The following MTAP variants were observed in gnomAD, a reference collection of about 807,000 sequenced individuals.
The protein encoded by MTAP is methylthioadenosine phosphorylase.
In MTAP, 33 loss-of-function variants were observed where a neutral mutation model predicts 33.6. The observed-to-expected ratio is 0.98, with a 90% CI of 0.74 to 1.31. The LOEUF (loss-of-function observed/expected upper bound fraction) is 1.31. Ranked by LOEUF, MTAP falls within the 40% of genes most tolerant of loss-of-function variation. The pLI, the probability that MTAP is intolerant of heterozygous loss-of-function variation, is 0.00. For synonymous variants in MTAP, 148 were observed against 125.7 expected (o/e 1.18, Z -1.19); for missense variants, 367 against 360.0 (o/e 1.02, Z -0.16).
At chr9:21,854,233 C>T (rs988462820) in intron 5 of MTAP, among the ~76,000 whole-genome samples, 4 of 152,154 alleles carry the variant, frequency 2.6e-5, no homozygotes, top group Admixed American at 1.3e-4. Context: ...AGAAGATAAG[C>T]GACGAGAGGC....
chr9:21,874,079 C>T lies in MTAP; in HGVS notation c.147+19209C>T, dbSNP rs75238885. 6.6e-4 allele frequency among the ~76,000 whole-genome samples: 100 copies of T among 152,226 alleles called. No individual in the cohort carries two copies. In the East Asian group the frequency reaches 0.011, roughly 16 times the overall value. On this transcript the variant is annotated intron_variant, in intron 1 of 1. Coordinates refer to the MTAP transcript ENST00000577563. Reference sequence around the variant, plus strand: ...CTCTGTTTGACCTCACTTTAGTTTACGAATTCCCACCCTTTAGGAATCAAG... The same window carrying T: ...CTCTGTTTGACCTCACTTTAGTTTATGAATTCCCACCCTTTAGGAATCAAG...
At chr9:21,938,058 A>C (rs1384489820), downstream of MTAP, among the ~76,000 whole-genome samples, 1 of 152,158 alleles carries the variant, frequency 6.6e-6, no homozygotes, top group East Asian at 1.9e-4. Context: ...TGATTGCCTG[A>C]GCTCAGGAGT....
At chr9:21,882,807 A>G (rs1347937466) in intron 1 of MTAP, among the ~76,000 whole-genome samples, 1 of 152,046 alleles carries the variant, frequency 6.6e-6, no homozygotes, top group Non-Finnish European at 1.5e-5. Flanking sequence ...GTTTAATAGT[A>G]AAAAATAATT....
chr9:21,897,038 A>G (rs920577265), intron 1 of MTAP, among the ~76,000 whole-genome samples: 3 of 152,226 alleles, frequency 2.0e-5, no homozygotes, highest in African/African-American at 7.2e-5. Flanking sequence ...CACCATGATC[A>G]AGTGGGCTTC....
chr9:21,850,880 T>C (rs1349413888), intron 5 of MTAP, among the ~76,000 whole-genome samples: 1 of 152,222 alleles, frequency 6.6e-6, no homozygotes, highest in Non-Finnish European at 1.5e-5. Context: ...GGCACTTTGC[T>C]GTGCCCGTGC....
intron 1 of MTAP, 64 bp downstream of exon 1, chr9:21,802,845 G>T (rs1040126776): frequency 1.9e-6 from 3 of 1,598,644 alleles, no homozygotes; most frequent in Non-Finnish European, 2.6e-6. Context: ...CCCCGCGCCG[G>T]GGGACCGCGC....
intron 4 of MTAP, among the ~76,000 whole-genome samples, chr9:21,832,807 A>G (rs1244873229): frequency 6.6e-6 from 1 of 152,208 alleles, no homozygotes; most frequent in Admixed American, 6.5e-5. Context: ...AGCAGTCATT[A>G]TTCCAGTTTA....
At chr9:21,896,661 C>A (rs1040959349) in intron 1 of MTAP, among the ~76,000 whole-genome samples, 6 of 152,152 alleles carry the variant, frequency 3.9e-5, no homozygotes, top group Non-Finnish European at 8.8e-5. Flanking sequence ...TGGATACATA[C>A]ACCCTCCCAA....
At chr9:21,941,023 A>T, downstream of MTAP, 1 of 983,104 alleles carries the variant, frequency 1.0e-6, no homozygotes, top group Non-Finnish European at 1.2e-6. Flanking sequence ...ATTTGCATGA[A>T]ATCATGACAT....
intron 4 of MTAP, among the ~76,000 whole-genome samples, chr9:21,825,854 T>C (rs1587217097): frequency 6.6e-6 from 1 of 152,128 alleles, no homozygotes; most frequent in Non-Finnish European, 1.5e-5. Flanking sequence ...TGAGGTGATA[T>C]CTTATTGTGG....
chr9:21,804,323 A>G (rs750294226), intron 1 of MTAP, among the ~76,000 whole-genome samples: 1 of 152,252 alleles, frequency 6.6e-6, no homozygotes, highest in Non-Finnish European at 1.5e-5. Flanking sequence ...TTCAAGCGCC[A>G]TTAAAAATGG....
In MTAP at chr9:21,837,946, A is replaced by C; in HGVS notation, c.386A>C (p.His129Pro). Residue 129 changes from histidine to proline, a missense_variant, in exon 5 of 8, where the codon CAT (histidine) becomes CCT (proline). By Grantham distance (77) the His-to-Pro change is moderately conservative. Coordinates refer to ENST00000644715, the MANE Select transcript of MTAP (RefSeq NM_002451.4). ...MRPQSFYDGS[H>P]SCARGVCHIP... ...CCTCAGTCCTTCTATGATGGAAGTC[A>C]TTCTTGTGCCAGAGGAGTGTGCCAT... is the stretch of plus-strand genomic sequence containing the variant. 1 of 1,614,186 alleles carries C rather than the reference A, an allele frequency of 6.2e-7. No individual in the cohort carries two copies. Among genetic ancestry groups the C allele is most frequent in the Non-Finnish European group, 8.5e-7 (1 of 1,180,012 alleles).
chr9:21,934,042 C>G (rs1357080347), downstream of MTAP: 2 of 152,176 alleles, frequency 1.3e-5, no homozygotes, highest in Non-Finnish European at 2.9e-5. The surrounding 1 kb of genome is among the most constrained non-coding windows in gnomAD (Gnocchi z 5.0). Flanking sequence ...CAGGCAGCCT[C>G]CAGAGTTACA....
chr9:21,839,173 G>GTGT (rs367594841), intron 5 of MTAP, among the ~76,000 whole-genome samples: 6 of 143,766 alleles, frequency 4.2e-5, no homozygotes, highest in African/African-American at 1.5e-4. Flanking sequence ...CTTTTACTTG[G>GTGT]TTTTTTTTTT....
At chr9:21,910,972 G>A (rs1236179841) in intron 1 of MTAP, among the ~76,000 whole-genome samples, 1 of 152,166 alleles carries the variant, frequency 6.6e-6, no homozygotes, top group Non-Finnish European at 1.5e-5. Context: ...AAAGGCAGGG[G>A]TTGCAATCCT....
chr9:21,873,754 A>G (rs1016486096), intron 1 of MTAP, among the ~76,000 whole-genome samples: 12 of 152,140 alleles, frequency 7.9e-5, no homozygotes, highest in Non-Finnish European at 1.5e-4. Context: ...TTTAAAAGGA[A>G]CAGCTATAGA....
rs1447771966 is a variant in MTAP at position 21,877,332 on chromosome 9, A to G, written c.147+22462A>G. ...GGATAGTTTGACTTCCTCTCTTCCTATTTAGATGCTCTCTATTTCTTGCTC... is the reference window on the plus strand; with the variant it reads ...GGATAGTTTGACTTCCTCTCTTCCTGTTTAGATGCTCTCTATTTCTTGCTC... On this transcript the variant is annotated intron_variant, in intron 1 of 1. Coordinates refer to the MTAP transcript ENST00000577563. 3.3e-5 allele frequency among the ~76,000 whole-genome samples: 5 copies of G among 152,058 alleles called. No homozygotes were observed. In the South Asian group the frequency reaches 6.2e-4, roughly 19 times the overall value.
chr9:21,826,084 A>G (rs758080822), intron 4 of MTAP, among the ~76,000 whole-genome samples: 8 of 151,940 alleles, frequency 5.3e-5, no homozygotes, highest in South Asian at 4.2e-4. Flanking sequence ...TTTCCTATCT[A>G]TAGGCTGTCT....
At chr9:21,839,148 T>C (rs983508132) in intron 5 of MTAP, among the ~76,000 whole-genome samples, 1 of 151,166 alleles carries the variant, frequency 6.6e-6, no homozygotes, top group African/African-American at 2.4e-5. Flanking sequence ...TTCTCTGACT[T>C]CTAGGAAAGT....
Sources: gnomAD v4.1 joint callset for allele counts (sites outside exome capture counted in the v4.1 genomes callset) on GRCh38, gnomAD v4.1.1 for gene constraint, Gnocchi (gnomAD v3.1) non-coding constraint, MANE v1.5 for transcripts, NCBI Gene and HGNC (gene_info 2026-07-23, HGNC 2026-07-21) for gene names.